The following LRPPRC variants were observed in gnomAD, a reference collection of about 807,000 sequenced individuals.
The protein encoded by LRPPRC is leucine rich pentatricopeptide repeat containing.
LRPPRC carries 120 observed loss-of-function variants against 180.3 expected under a neutral mutation model. That is an observed-to-expected ratio of 0.67 (90% CI 0.57 to 0.77). LRPPRC has a LOEUF of 0.77. Ranked by LOEUF, LRPPRC falls within the 30% of genes least tolerant of loss-of-function variation. LRPPRC has a pLI of 0.00. For synonymous variants in LRPPRC, 723 were observed against 600.0 expected (o/e 1.21, Z -3.00); for missense variants, 2,012 against 1,657.2 (o/e 1.21, Z -3.72).
Position 43,896,640 on chromosome 2 carries a change from T to C in LRPPRC, c.3894A>G (p.Gln1298=). 3 of 1,605,938 alleles carry C rather than the reference T, an allele frequency of 1.9e-6. No homozygotes were observed. The highest frequency in any genetic ancestry group is 2.6e-6 in the Non-Finnish European group (3 of 1,172,758). Residue 1298 remains glutamine, a synonymous_variant, in exon 35 of 38, where the codon CAA becomes CAG. Coordinates refer to ENST00000260665, the MANE Select transcript of LRPPRC (RefSeq NM_133259.4). The stretch of plus-strand genomic sequence containing the variant: ...AGCAGGTAAAGCACAGTACCTTTCC[T>C]TGTTTCCTAGAATTCCTAAGGAGGA... ...LLFLLRNSRK[Q]GKASTVKSVL...
intron 3 of LRPPRC, among the ~76,000 whole-genome samples, chr2:43,977,798 C>G (rs534219032): frequency 3.3e-5 from 5 of 152,206 alleles, no homozygotes; most frequent in African/African-American, 1.2e-4. Flanking sequence ...CCTTTGTTTT[C>G]TTTGTATCCC....
chr2:43,901,581 C>T, intron 31 of LRPPRC, 57 bp from the exon 32 acceptor site: 1 of 1,135,030 alleles, frequency 8.8e-7, no homozygotes, highest in South Asian at 1.2e-5. Flanking sequence ...GACTTTAATG[C>T]ATTTTGAAAA....
intron 25 of LRPPRC, among the ~76,000 whole-genome samples, chr2:43,927,446 T>C (rs1353324602): frequency 6.6e-6 from 1 of 152,188 alleles, no homozygotes; most frequent in African/African-American, 2.4e-5. Flanking sequence ...AAATCAATGA[T>C]GAATAAATTA....
chr2:43,927,355 T>A (rs987604631), intron 25 of LRPPRC, among the ~76,000 whole-genome samples: 1 of 152,214 alleles, frequency 6.6e-6, no homozygotes, highest in African/African-American at 2.4e-5. Flanking sequence ...GCAGCTTTGG[T>A]GGGATGACAG....
intron 34 of LRPPRC, among the ~76,000 whole-genome samples, chr2:43,898,732 A>T (rs766338249): frequency 3.3e-5 from 5 of 152,166 alleles, no homozygotes; most frequent in Non-Finnish European, 7.3e-5. Context: ...CTCTTAATAA[A>T]CCTTGAATAA....
At chr2:43,901,293 A>C (rs1227842770) in intron 32 of LRPPRC, 27 bp downstream of exon 32, 1 of 1,589,978 alleles carries the variant, frequency 6.3e-7, no homozygotes, top group South Asian at 1.1e-5. Context: ...TGACCAATGA[A>C]GGAAAAGAAG....
At chr2:43,897,290 T>C (rs1264502350) in intron 34 of LRPPRC, among the ~76,000 whole-genome samples, 1 of 151,842 alleles carries the variant, frequency 6.6e-6, no homozygotes, top group Non-Finnish European at 1.5e-5. Context: ...AAAAAAAAAG[T>C]TTACATGACA....
chr2:43,892,090 T>C (rs192860880), intron 36 of LRPPRC, among the ~76,000 whole-genome samples: 40 of 152,324 alleles, frequency 2.6e-4, no homozygotes, highest in Non-Finnish European at 1.5e-5. Flanking sequence ...AAAGAAGCCA[T>C]CTCCATGACA....
chr2:43,920,243 C>T (rs12993430), intron 27 of LRPPRC, among the ~76,000 whole-genome samples: 2 of 152,210 alleles, frequency 1.3e-5, no homozygotes, highest in Admixed American at 1.3e-4. Context: ...TCAAGCAATT[C>T]TCCTGCCTCA....
At chr2:43,968,202 A>G (rs1470029857) in intron 11 of LRPPRC, among the ~76,000 whole-genome samples, 2 of 152,216 alleles carry the variant, frequency 1.3e-5, no homozygotes, top group African/African-American at 2.4e-5. Flanking sequence ...TTTCTGAGCC[A>G]TAATTTGGTG....
chr2:43,993,615 T>G (rs1051369553), intron 1 of LRPPRC, among the ~76,000 whole-genome samples: 1 of 152,070 alleles, frequency 6.6e-6, no homozygotes, highest in East Asian at 1.9e-4. Context: ...TAGGAGACTA[T>G]ATACAGTGCT....
chr2:43,987,494 A>C (rs902118060), intron 1 of LRPPRC, among the ~76,000 whole-genome samples: 7 of 150,798 alleles, frequency 4.6e-5, no homozygotes, highest in Admixed American at 4.0e-4. Flanking sequence ...GACTCCTCAA[A>C]AAAAAAAAAA....
Position 43,957,284 on chromosome 2 carries a change from GAAAGATAAGAA to G in LRPPRC, c.1649+90_1649+100del, listed in dbSNP as rs1412301349. ...ATTTCAGGTAAACTGAATGTACACT[GAAAGATAAGAA>G]TATTTGTATTTTTCCTCATGCAATA... On this transcript the variant is annotated intron_variant, in intron 14 of 37. Transcript: ENST00000260665. The G allele has an allele frequency of 4.0e-5, 34 of 854,236 alleles. No homozygotes were observed. In the African/African-American group the frequency reaches 5.5e-4, roughly 14 times the overall value. The allele number at this position is 854,236 out of a possible 1,614,324, so 52.9% of individuals were successfully genotyped here. A position where few individuals can be genotyped will look rare whatever the true frequency, so the allele number is the denominator to read the frequency against.
intron 12 of LRPPRC, among the ~76,000 whole-genome samples, chr2:43,962,161 T>A (rs1673373901): frequency 6.6e-6 from 1 of 152,046 alleles, no homozygotes; most frequent in Non-Finnish European, 1.5e-5. Context: ...AAGTCACTAG[T>A]GAGAAAGCCA....
chr2:43,944,713 A>T (rs1427136845), intron 22 of LRPPRC, among the ~76,000 whole-genome samples: 1 of 152,086 alleles, frequency 6.6e-6, no homozygotes, highest in Non-Finnish European at 1.5e-5. Flanking sequence ...TCAGAAAGTT[A>T]AGAAACAAGA....
At position 43,934,663 on chromosome 2, in the gene LRPPRC, G is replaced by GC. The variant is rs1672208196; in HGVS notation, c.2629+90dup. The stretch of plus-strand genomic sequence containing the variant: ...AAAGAAAGTTTATCTGAATGTGCTG[G>GC]CCTTCTGCTGGTTTCTCTTAACAAT... On this transcript the variant is annotated intron_variant, in intron 24 of 37. Coordinates refer to ENST00000260665, the MANE Select transcript of LRPPRC (RefSeq NM_133259.4). 43 of 1,079,714 alleles carry GC rather than the reference G, an allele frequency of 4.0e-5. No homozygotes were observed. In the South Asian group the frequency reaches 5.8e-4, roughly 15 times the overall value. 66.9% of individuals were successfully genotyped at this position (1,079,714 alleles called of 1,614,324 possible).
At chr2:43,913,338 T>C (rs1671330532) in intron 29 of LRPPRC, among the ~76,000 whole-genome samples, 1 of 152,164 alleles carries the variant, frequency 6.6e-6, no homozygotes, top group Non-Finnish European at 1.5e-5. Context: ...CTTCTGTGGA[T>C]AAACAAATCA....
intron 27 of LRPPRC, 61 bp from the exon 28 acceptor site, chr2:43,918,459 T>C (rs1671559432): frequency 3.3e-6 from 4 of 1,202,870 alleles, no homozygotes; most frequent in South Asian, 2.5e-5. Context: ...TACACAAAAA[T>C]ATTTAGAACT....
intron 16 of LRPPRC, among the ~76,000 whole-genome samples, chr2:43,949,258 G>A (rs139125783): frequency 7.9e-5 from 12 of 152,132 alleles, no homozygotes; most frequent in East Asian, 7.7e-4. Flanking sequence ...AAGAACCTTC[G>A]CTACATTTTA....
Sources: gnomAD v4.1 joint callset for allele counts (sites outside exome capture counted in the v4.1 genomes callset) on GRCh38, gnomAD v4.1.1 for gene constraint, MANE v1.5 for transcripts, NCBI Gene and HGNC (gene_info 2026-07-23, HGNC 2026-07-21) for gene names.